The following KLHL6 variants were observed in gnomAD, a reference collection of about 807,000 sequenced individuals.
KLHL6 encodes kelch like family member 6, also known as kelch-like protein 6.
KLHL6 carries 41 observed loss-of-function variants against 58.6 expected under a neutral mutation model. The observed-to-expected ratio is 0.70, with a 90% CI of 0.55 to 0.91. KLHL6 has a LOEUF of 0.91. Among genes scored for constraint, KLHL6 ranks in the 40% least tolerant of loss-of-function variants. KLHL6 has a pLI of 0.00. For synonymous variants in KLHL6, 338 were observed against 322.7 expected (o/e 1.05, Z -0.51); for missense variants, 714 against 805.6 (o/e 0.89, Z 1.38).
intron 1 of KLHL6, among the ~76,000 whole-genome samples, chr3:183,548,569 C>G (rs1226576505): frequency 6.6e-6 from 1 of 152,192 alleles, no homozygotes; most frequent in East Asian, 1.9e-4. Context: ...CTACAAAAAT[C>G]AGGCATAAGG....
At chr3:183,547,252 A>T (rs1308327680) in intron 1 of KLHL6, among the ~76,000 whole-genome samples, 3 of 152,150 alleles carry the variant, frequency 2.0e-5, no homozygotes, top group Non-Finnish European at 2.9e-5. Context: ...AACTATTTGT[A>T]TACTCACTGC....
intron 3 of KLHL6, among the ~76,000 whole-genome samples, chr3:183,504,038 A>G (rs1382720008): frequency 6.6e-6 from 1 of 152,180 alleles, no homozygotes; most frequent in African/African-American, 2.4e-5. Flanking sequence ...TATAAAATGA[A>G]GATGAGAAAG....
At position 183,492,548 on chromosome 3, in the gene KLHL6, C is replaced by T. The variant is rs532480044; in HGVS notation, c.1510G>A (p.Val504Met). ...ACTGCATTGATGCATTTAGCCTCCA[C>T]GGGCATGGCCGCCTTCAAACTCCAC... Reference protein sequence around the residue: ...NKWSLKAAMPVEAKCINAVSF... With the variant: ...NKWSLKAAMPMEAKCINAVSF... Residue 504 changes from valine to methionine, a missense_variant, in exon 6 of 7, where the codon GTG (valine) becomes ATG (methionine). Val to Met is a conservative substitution (Grantham distance 21). Coordinates refer to ENST00000341319, the MANE Select transcript of KLHL6 (RefSeq NM_130446.4). The surrounding 1 kb of genome is among the most constrained non-coding windows in gnomAD (Gnocchi z 5.9). 21 of 1,614,238 alleles carry T rather than the reference C, an allele frequency of 1.3e-5. No homozygotes were observed. Among genetic ancestry groups the T allele is most frequent in the South Asian group, 1.2e-4 (11 of 91,088 alleles).
At chr3:183,517,774 G>T (rs1711612502) in intron 2 of KLHL6, among the ~76,000 whole-genome samples, 3 of 152,200 alleles carry the variant, frequency 2.0e-5, no homozygotes, top group Admixed American at 1.3e-4. Context: ...CATGGCTGGG[G>T]CTCAGTGATT....
chr3:183,500,390 C>A (rs73884508), intron 3 of KLHL6, among the ~76,000 whole-genome samples: 1 of 152,144 alleles, frequency 6.6e-6, no homozygotes, highest in Non-Finnish European at 1.5e-5. Context: ...CAACATACAG[C>A]ATATGACCTT....
chr3:183,512,935 C>T (rs186390520), intron 2 of KLHL6, among the ~76,000 whole-genome samples: 85 of 152,238 alleles, frequency 5.6e-4, no homozygotes, highest in African/African-American at 1.5e-3. Flanking sequence ...CACTTCCTAT[C>T]CTCTCCAATT....
chr3:183,542,727 AC>A (rs1712591052), intron 1 of KLHL6, among the ~76,000 whole-genome samples: 1 of 152,134 alleles, frequency 6.6e-6, no homozygotes, highest in African/African-American at 2.4e-5. Context: ...ACATCAATTT[AC>A]TTATCTCTCT....
At chr3:183,550,482 T>C (rs1297813856) in intron 1 of KLHL6, among the ~76,000 whole-genome samples, 1 of 151,880 alleles carries the variant, frequency 6.6e-6, no homozygotes, top group Non-Finnish European at 1.5e-5. Flanking sequence ...TTGTGAAATA[T>C]CAAAATGTTA....
At chr3:183,514,399 G>T (rs1711507005) in intron 2 of KLHL6, among the ~76,000 whole-genome samples, 1 of 152,016 alleles carries the variant, frequency 6.6e-6, no homozygotes, top group African/African-American at 2.4e-5. Flanking sequence ...CAGTCCTGGA[G>T]CTGCCCTGTT....
At chr3:183,527,190 T>C (rs183745263) in intron 2 of KLHL6, among the ~76,000 whole-genome samples, 1 of 151,260 alleles carries the variant, frequency 6.6e-6, no homozygotes, top group African/African-American at 2.4e-5. Context: ...AATAAGGATA[T>C]GATCAAGCAA....
At chr3:183,513,471 G>A (rs367859113) in intron 2 of KLHL6, among the ~76,000 whole-genome samples, 2 of 152,260 alleles carry the variant, frequency 1.3e-5, no homozygotes, top group East Asian at 1.9e-4. Flanking sequence ...ATTTGCACAC[G>A]TCACTGGGTA....
intron 2 of KLHL6, among the ~76,000 whole-genome samples, chr3:183,516,486 C>T (rs1711568315): frequency 6.6e-6 from 1 of 152,196 alleles, no homozygotes; most frequent in Non-Finnish European, 1.5e-5. Flanking sequence ...TTGCAGCCAG[C>T]CACCTGACTC....
intron 1 of KLHL6, among the ~76,000 whole-genome samples, chr3:183,545,645 G>A (rs1285012644): frequency 6.6e-6 from 1 of 152,036 alleles, no homozygotes; most frequent in Non-Finnish European, 1.5e-5. Flanking sequence ...AAAATCAAAG[G>A]ACCTAATGGC....
At chr3:183,508,578 T>C in intron 2 of KLHL6, 70 bp from the exon 3 acceptor site, 1 of 1,432,356 alleles carries the variant, frequency 7.0e-7, no homozygotes, top group Non-Finnish European at 9.5e-7. Flanking sequence ...ATCAGTGAGT[T>C]ATGTGTATTA....
chr3:183,548,634 A>G (rs1379936476), intron 1 of KLHL6: 2 of 152,220 alleles, frequency 1.3e-5, no homozygotes, highest in Non-Finnish European at 1.5e-5. Flanking sequence ...AATCATTATT[A>G]CATATTAACC....
chr3:183,494,661 G>A (rs1305339783), intron 4 of KLHL6, among the ~76,000 whole-genome samples: 10 of 152,218 alleles, frequency 6.6e-5, no homozygotes, highest in East Asian at 3.9e-4. Flanking sequence ...AGCAAGGCTG[G>A]GCGGGGACAG....
intron 1 of KLHL6, among the ~76,000 whole-genome samples, chr3:183,530,900 C>T (rs142530255): frequency 0.041 from 6,175 of 149,176 alleles, 425 homozygotes; most frequent in African/African-American, 0.14. Context: ...GGTGCCATCT[C>T]GGCTCACTGC....
chr3:183,521,080 T>G (rs910909904), intron 2 of KLHL6: 3 of 152,258 alleles, frequency 2.0e-5, no homozygotes, highest in Non-Finnish European at 4.4e-5. Context: ...CTGGGTACTC[T>G]CGAGACTGGA....
At chr3:183,546,094 C>G (rs1358845740) in intron 1 of KLHL6, among the ~76,000 whole-genome samples, 1 of 152,192 alleles carries the variant, frequency 6.6e-6, no homozygotes, top group Non-Finnish European at 1.5e-5. Flanking sequence ...TTTAGTCCAC[C>G]CATGATGGAT....
Sources: gnomAD v4.1 joint callset for allele counts (sites outside exome capture counted in the v4.1 genomes callset) on GRCh38, gnomAD v4.1.1 for gene constraint, Gnocchi (gnomAD v3.1) non-coding constraint, MANE v1.5 for transcripts, NCBI Gene and HGNC (gene_info 2026-07-23, HGNC 2026-07-21) for gene names.